The following NIPBL variants were observed in gnomAD, a reference collection of about 807,000 sequenced individuals.
NIPBL encodes NIPBL cohesin loading factor, also known as nipped-B-like protein.
A neutral mutation model predicts 321.8 loss-of-function variants in NIPBL; 19 were observed. The ratio of observed to expected loss-of-function variants is 0.06; its 90% CI spans 0.04 to 0.09. The LOEUF is 0.09. Ranked by LOEUF, NIPBL falls within the 10% of genes least tolerant of loss-of-function variation. The pLI, the probability that NIPBL is intolerant of heterozygous loss-of-function variation, is 1.00. For missense variants in NIPBL, 2,210 were observed against 3,327.0 expected, an observed-to-expected ratio of 0.66 and a Z score of 8.26; for synonymous variants, 1,106 against 1,114.1, an observed-to-expected ratio of 0.99 and a Z score of 0.14.
chr5:36,993,812 T>C (rs1404407564), intron 10 of NIPBL, among the ~76,000 whole-genome samples: 1 of 152,164 alleles, frequency 6.6e-6, no homozygotes, highest in Admixed American at 6.5e-5. Context: ...CTCATTTGTC[T>C]ATCAAATACA....
chr5:36,962,601 G>A (rs1246113876), intron 6 of NIPBL, among the ~76,000 whole-genome samples: 2 of 152,128 alleles, frequency 1.3e-5, no homozygotes, highest in Non-Finnish European at 2.9e-5. Flanking sequence ...CTAAGCCAAG[G>A]GACAATTACA....
At chr5:36,878,940 C>T (rs1004005274) in intron 1 of NIPBL, among the ~76,000 whole-genome samples, 4 of 150,556 alleles carry the variant, frequency 2.7e-5, no homozygotes, top group Admixed American at 2.6e-4. Flanking sequence ...CTGTTAGACA[C>T]TGTTTGCTAC....
intron 37 of NIPBL, 23 bp from the exon 38 acceptor site, chr5:37,046,086 T>G (rs1220404441): frequency 8.4e-7 from 1 of 1,190,402 alleles, no homozygotes; most frequent in Non-Finnish European, 1.3e-6. Context: ...CATGAACACT[T>G]TAATGTGTTT....
At chr5:37,034,397 T>C (rs1172163598) in intron 32 of NIPBL, among the ~76,000 whole-genome samples, 1 of 152,176 alleles carries the variant, frequency 6.6e-6, no homozygotes, top group African/African-American at 2.4e-5. Flanking sequence ...CAAATATATA[T>C]ACACACAAAA....
intron 31 of NIPBL, among the ~76,000 whole-genome samples, chr5:37,026,792 G>C (rs1750319024): frequency 6.6e-6 from 1 of 151,964 alleles, no homozygotes; most frequent in Non-Finnish European, 1.5e-5. Context: ...CTGCTCAGGA[G>C]TCTGAGACGG....
chr5:36,953,018 G>A (rs1740573966), intron 1 of NIPBL, among the ~76,000 whole-genome samples: 1 of 151,690 alleles, frequency 6.6e-6, no homozygotes. Context: ...TATAGGATTT[G>A]TTTGGACCAA....
intron 45 of NIPBL, among the ~76,000 whole-genome samples, chr5:37,062,415 G>A (rs1754823995): frequency 6.6e-6 from 1 of 151,700 alleles, no homozygotes; most frequent in African/African-American, 2.4e-5. Context: ...CACTTATCAA[G>A]TATGCAAATG....
intron 1 of NIPBL, among the ~76,000 whole-genome samples, chr5:36,939,385 G>A (rs1738816708): frequency 6.6e-6 from 1 of 152,132 alleles, no homozygotes; most frequent in South Asian, 2.1e-4. Context: ...TACAAAAATG[G>A]AATCATGTAG....
intron 1 of NIPBL, among the ~76,000 whole-genome samples, chr5:36,877,580 A>G (rs1327635657): frequency 1.3e-5 from 2 of 152,166 alleles, no homozygotes; most frequent in Non-Finnish European, 2.9e-5. Context: ...ACTAACAGCA[A>G]ATGTGCCCTG....
chr5:36,932,790 T>G (rs1042543403), intron 1 of NIPBL, among the ~76,000 whole-genome samples: 17 of 148,956 alleles, frequency 1.1e-4, no homozygotes, highest in South Asian at 2.1e-4. Flanking sequence ...TTTTTTTTTT[T>G]TTTTTTTTTT....
intron 21 of NIPBL, among the ~76,000 whole-genome samples, chr5:37,014,161 C>T (rs931054109): frequency 4.7e-5 from 7 of 149,578 alleles, no homozygotes; most frequent in Admixed American, 3.3e-4. Context: ...GCAGCAGTAC[C>T]GTCCAGCTTC....
At chr5:37,013,432 G>A (rs1373365842) in intron 21 of NIPBL, among the ~76,000 whole-genome samples, 46 of 150,974 alleles carry the variant, frequency 3.0e-4, no homozygotes, top group Admixed American at 6.6e-4. Flanking sequence ...CTGGGCGGAG[G>A]GGCTCCTCAC....
intron 1 of NIPBL, among the ~76,000 whole-genome samples, chr5:36,889,768 T>C (rs1300148550): frequency 6.6e-6 from 1 of 152,142 alleles, no homozygotes; most frequent in Non-Finnish European, 1.5e-5. Flanking sequence ...TCAGTAACAA[T>C]CCATTCCTTT....
intron 32 of NIPBL, among the ~76,000 whole-genome samples, chr5:37,032,841 C>CT (rs1751224880): frequency 6.6e-6 from 1 of 151,854 alleles, no homozygotes; most frequent in African/African-American, 2.4e-5. Flanking sequence ...CATGATAAAA[C>CT]TTTTTTCAAC....
rs1738674502 is a variant in NIPBL at position 36,938,269 on chromosome 5, G to A, written c.-79-15349G>A. Among the ~76,000 whole-genome samples the A allele has an allele frequency of 2.0e-5, 3 of 152,030 alleles. 1 individual carries two copies. The South Asian group carries it at 6.2e-4, about 32-fold the overall frequency. On this transcript the variant is annotated intron_variant, in intron 1 of 46. Coordinates refer to ENST00000282516, the MANE Select transcript of NIPBL (RefSeq NM_133433.4). ...TAGTTTTAGGCCAGTACGTATTGAA[G>A]TATTTAGGGGAATGAACTTTGATGT...
At chr5:36,993,161 T>G (rs1184637592) in intron 10 of NIPBL, among the ~76,000 whole-genome samples, 1 of 152,190 alleles carries the variant, frequency 6.6e-6, no homozygotes, top group Non-Finnish European at 1.5e-5. Flanking sequence ...GAATAGACAA[T>G]TCTGTTCAAA....
At chr5:37,048,709 A>C in intron 39 of NIPBL, 34 bp downstream of exon 39, 2 of 1,448,100 alleles carry the variant, frequency 1.4e-6, no homozygotes, top group Non-Finnish European at 1.9e-6. Flanking sequence ...TTTCATAGCT[A>C]CATTTATATT....
At chr5:36,910,828 A>G (rs1264534305) in intron 1 of NIPBL, among the ~76,000 whole-genome samples, 5 of 152,178 alleles carry the variant, frequency 3.3e-5, no homozygotes. Context: ...GGAGAGTGTT[A>G]ACAAAACTAG....
rs74479675 is a variant in NIPBL at position 37,037,629 on chromosome 5, C to CT, written c.5972-959dup. Among the ~76,000 whole-genome samples the CT allele has an allele frequency of 1.9e-3, 256 of 135,188 alleles. 3 individuals carry two copies. Among genetic ancestry groups the CT allele is most frequent in the South Asian group, 6.0e-3 (25 of 4,192 alleles). The allele number at this position is 135,188 out of a possible 152,430, so 88.7% of individuals were successfully genotyped here. A position where few individuals can be genotyped will look rare whatever the true frequency, so the allele number is the denominator to read the frequency against. On this transcript the variant is annotated intron_variant, in intron 33 of 46. Transcript: ENST00000282516. ...ATATGCTTTATATTTTTTATGCAGT[C>CT]TTTTTTTTTTTTTTCCATGTGTACC...
Sources: gnomAD v4.1 joint callset for allele counts (sites outside exome capture counted in the v4.1 genomes callset) on GRCh38, gnomAD v4.1.1 for gene constraint, MANE v1.5 for transcripts, NCBI Gene and HGNC (gene_info 2026-07-23, HGNC 2026-07-21) for gene names.